Variants in QTMAN observed in about 807,000 individuals in gnomAD.
The protein encoded by QTMAN is queuosine-tRNA mannosyltransferase.
chr2:144,213,742 C>T, the QTMAN span, among the ~76,000 whole-genome samples: 1 of 152,076 alleles, frequency 6.6e-6, no homozygotes, highest in Non-Finnish European at 1.5e-5. Flanking sequence ...TACCTATATG[C>T]AATATTTGGA....
chr2:143,991,972 G>A, the QTMAN span, among the ~76,000 whole-genome samples: 10 of 151,962 alleles, frequency 6.6e-5, no homozygotes, highest in East Asian at 1.4e-3. Context: ...GCCTCTGCCC[G>A]GCCGCCCCTA....
chr2:144,134,037 G>A, the QTMAN span, among the ~76,000 whole-genome samples: 5 of 152,026 alleles, frequency 3.3e-5, no homozygotes, highest in East Asian at 1.9e-4. Flanking sequence ...GGTGTTTTCC[G>A]GCAACTTCCC....
At chr2:144,097,923 T>C in the QTMAN span, among the ~76,000 whole-genome samples, 1 of 152,204 alleles carries the variant, frequency 6.6e-6, no homozygotes, top group South Asian at 2.1e-4. Flanking sequence ...TCTCTAGTTT[T>C]CTCTCAAGCA....
chr2:144,296,160 T>G, the QTMAN span, among the ~76,000 whole-genome samples: 394 of 152,278 alleles, frequency 2.6e-3, 2 homozygotes, highest in East Asian at 0.024. Context: ...ATATAAACTA[T>G]TTCCACATGT....
the QTMAN span, among the ~76,000 whole-genome samples, chr2:144,160,639 T>C: frequency 1.3e-5 from 2 of 152,118 alleles, no homozygotes; most frequent in Admixed American, 1.3e-4. Flanking sequence ...GCAGTGATCA[T>C]TCAATACCTC....
At chr2:144,028,938 T>C in the QTMAN span, among the ~76,000 whole-genome samples, 1 of 152,156 alleles carries the variant, frequency 6.6e-6, no homozygotes, top group Non-Finnish European at 1.5e-5. Flanking sequence ...AGGGGATTTG[T>C]AGGGTGTCTG....
At chr2:144,229,112 C>G in the QTMAN span, among the ~76,000 whole-genome samples, 1 of 152,196 alleles carries the variant, frequency 6.6e-6, no homozygotes, top group African/African-American at 2.4e-5. Context: ...TAATTTACCA[C>G]TAGCATTATT....
the QTMAN span, among the ~76,000 whole-genome samples, chr2:144,156,754 A>G: frequency 6.6e-6 from 1 of 152,222 alleles, no homozygotes; most frequent in Non-Finnish European, 1.5e-5. Flanking sequence ...TATATATTAG[A>G]TTATCTAAAA....
At chr2:144,299,880 G>A in the QTMAN span, among the ~76,000 whole-genome samples, 5 of 152,166 alleles carry the variant, frequency 3.3e-5, no homozygotes, top group African/African-American at 7.2e-5. Flanking sequence ...ATCAGTGGAC[G>A]AATGGAGAAA....
chr2:144,255,942 G>A, the QTMAN span, among the ~76,000 whole-genome samples: 10 of 152,260 alleles, frequency 6.6e-5, no homozygotes, highest in South Asian at 6.2e-4. Flanking sequence ...AAGGCTGAAG[G>A]GGACTATCCT....
chr2:144,229,144 A>C, the QTMAN span, among the ~76,000 whole-genome samples: 1 of 152,192 alleles, frequency 6.6e-6, no homozygotes, highest in Non-Finnish European at 1.5e-5. Context: ...TATTCCATCT[A>C]TCTCTAGTCA....
the QTMAN span, among the ~76,000 whole-genome samples, chr2:144,293,286 TGA>T: frequency 1.3e-5 from 2 of 152,122 alleles, no homozygotes; most frequent in African/African-American, 2.4e-5. Context: ...GCTACAAAGA[TGA>T]GAGAGAGTGG....
At chr2:144,141,849 C>T in the QTMAN span, 39 of 1,488,362 alleles carry the variant, frequency 2.6e-5, 1 homozygote, top group South Asian at 4.4e-4. Flanking sequence ...TAATTTATGA[C>T]ACAATATTGA....
At chr2:144,159,389 C>T in the QTMAN span, among the ~76,000 whole-genome samples, 14 of 151,964 alleles carry the variant, frequency 9.2e-5, no homozygotes, top group African/African-American at 2.7e-4. Context: ...CTTGTACTTG[C>T]AACATGGTAG....
At chr2:143,940,874 A>T in the QTMAN span, 1 of 152,258 alleles carries the variant, frequency 6.6e-6, no homozygotes, top group South Asian at 2.1e-4. Context: ...AGTGCCACAG[A>T]GTCTGAACTT....
At chr2:144,110,550 AAAAT>A in the QTMAN span, among the ~76,000 whole-genome samples, 2 of 152,172 alleles carry the variant, frequency 1.3e-5, no homozygotes, top group East Asian at 1.9e-4. Context: ...TAAAAAATAA[AAAAT>A]AAATAAATAA....
At chr2:144,222,624 G>A in the QTMAN span, among the ~76,000 whole-genome samples, 6 of 151,618 alleles carry the variant, frequency 4.0e-5, no homozygotes, top group Admixed American at 6.6e-5. Context: ...GGCTAACACG[G>A]TGAAATCCCG....
At chr2:144,009,056 G>A in the QTMAN span, among the ~76,000 whole-genome samples, 1 of 151,874 alleles carries the variant, frequency 6.6e-6, no homozygotes, top group East Asian at 1.9e-4. Context: ...GGAAGGAAGC[G>A]GGATCCTGAA....
chr2:144,073,250 TTA>T, the QTMAN span, among the ~76,000 whole-genome samples: 1 of 148,652 alleles, frequency 6.7e-6, no homozygotes, highest in Non-Finnish European at 1.5e-5. Flanking sequence ...TTTTATATAT[TTA>T]TATATATATC....
Sources: allele counts gnomAD v4.1 joint callset (sites outside exome capture counted in the v4.1 genomes callset), GRCh38; gene constraint gnomAD v4.1.1; transcripts MANE v1.5; gene names NCBI Gene and HGNC (gene_info 2026-07-23, HGNC 2026-07-21).